The following ARHGAP17 variants were observed in gnomAD, a reference collection of about 807,000 sequenced individuals.
ARHGAP17 encodes the protein rho GTPase-activating protein 17.
ARHGAP17 carries 57 observed loss-of-function variants against 99.5 expected under a neutral mutation model. That is an observed-to-expected ratio of 0.57 (90% CI 0.46 to 0.71). The LOEUF (loss-of-function observed/expected upper bound fraction) is 0.71, where lower values mean the gene tolerates loss of function less well. ARHGAP17 is among the 30% of genes least tolerant of loss of function. ARHGAP17 has a pLI of 0.00. For missense variants in ARHGAP17, 1,000 were observed against 1,122.4 expected, an observed-to-expected ratio of 0.89 and a Z score of 1.56; for synonymous variants, 417 against 429.6, an observed-to-expected ratio of 0.97 and a Z score of 0.36.
intron 1 of ARHGAP17, among the ~76,000 whole-genome samples, chr16:24,994,536 G>T (rs2141445981): frequency 6.6e-6 from 1 of 152,302 alleles, no homozygotes; most frequent in Non-Finnish European, 1.5e-5. Context: ...ATACTCCAGT[G>T]CAAGGACGGT....
chr16:24,940,792 T>C (rs2051291694), intron 16 of ARHGAP17, among the ~76,000 whole-genome samples: 1 of 152,196 alleles, frequency 6.6e-6, no homozygotes, highest in African/African-American at 2.4e-5. Context: ...AGGCTGACTT[T>C]TCACTTAAGG....
intron 1 of ARHGAP17, among the ~76,000 whole-genome samples, chr16:24,979,988 T>A (rs1035905022): frequency 6.6e-6 from 1 of 152,148 alleles, no homozygotes; most frequent in African/African-American, 2.4e-5. Context: ...TGGGATTACA[T>A]GCGTGAGCCA....
chr16:24,938,483 G>A (rs371377628), intron 17 of ARHGAP17, among the ~76,000 whole-genome samples: 38 of 152,292 alleles, frequency 2.5e-4, no homozygotes, highest in African/African-American at 7.7e-4. Context: ...AAATCTACCA[G>A]CTAGGCATGG....
At chr16:25,007,566 A>G (rs2053540497) in intron 1 of ARHGAP17, among the ~76,000 whole-genome samples, 1 of 151,928 alleles carries the variant, frequency 6.6e-6, no homozygotes, top group Non-Finnish European at 1.5e-5. Flanking sequence ...GGATCTTGCT[A>G]TGTTGCTCAG....
intron 1 of ARHGAP17, among the ~76,000 whole-genome samples, chr16:24,987,574 G>C (rs1437350315): frequency 6.6e-6 from 1 of 151,990 alleles, no homozygotes; most frequent in Non-Finnish European, 1.5e-5. Flanking sequence ...CAGCCATTCT[G>C]GGGCCTTGAG....
intron 13 of ARHGAP17, 108 bp from the exon 14 acceptor site, chr16:24,947,703 G>A (rs944779455): frequency 1.2e-5 from 10 of 847,040 alleles, no homozygotes; most frequent in Non-Finnish European, 1.7e-5. Context: ...TAACTGCAGA[G>A]GGTTCCTAAA....
intron 18 of ARHGAP17, among the ~76,000 whole-genome samples, chr16:24,931,680 C>T (rs112085663): frequency 5.3e-4 from 80 of 152,228 alleles, no homozygotes; most frequent in African/African-American, 1.8e-3. Flanking sequence ...CACAGAAAGA[C>T]GGAGAACATG....
intron 17 of ARHGAP17, chr16:24,936,616 G>C (rs1431504374): frequency 1.3e-5 from 2 of 150,420 alleles, no homozygotes; most frequent in Non-Finnish European, 2.9e-5. Flanking sequence ...TGAGGTGGGA[G>C]AATCGCTTGA....
chr16:24,947,946 G>C (rs1004803549), intron 13 of ARHGAP17, among the ~76,000 whole-genome samples: 1 of 151,476 alleles, frequency 6.6e-6, no homozygotes, highest in African/African-American at 2.4e-5. Flanking sequence ...TACAAAAACA[G>C]ACACAGTTAT....
chr16:24,998,389 G>C (rs2053261687), intron 1 of ARHGAP17, among the ~76,000 whole-genome samples: 1 of 152,038 alleles, frequency 6.6e-6, no homozygotes, highest in South Asian at 2.1e-4. Flanking sequence ...CAGCGGCACA[G>C]GTGGCGGGGC....
chr16:24,987,633 G>A (rs2052913716), intron 1 of ARHGAP17, among the ~76,000 whole-genome samples: 2 of 152,012 alleles, frequency 1.3e-5, no homozygotes, highest in South Asian at 2.1e-4. Flanking sequence ...ACCCAAGGAT[G>A]GCAAATATGT....
In ARHGAP17 at chr16:24,934,963, G is replaced by T. The variant is rs1486907700; in HGVS notation, c.1894+507C>A. ...ACAGAGAACCCAGGGTGAGAAGTTC[G>T]CATGGAAGCCACTGAAGAGTTTAAC... On this transcript the variant is annotated intron_variant, in intron 18 of 19. Transcript: ENST00000289968. 4.6e-5 allele frequency among the ~76,000 whole-genome samples: 7 copies of T among 152,288 alleles called. No homozygotes were observed. In the East Asian group the frequency reaches 1.3e-3, roughly 29 times the overall value.
intron 12 of ARHGAP17, among the ~76,000 whole-genome samples, chr16:24,951,853 G>A (rs1467639121): frequency 6.6e-6 from 1 of 152,158 alleles, no homozygotes; most frequent in African/African-American, 2.4e-5. Context: ...ACTTGAATTT[G>A]CAATTATGTA....
At position 24,955,060 on chromosome 16, in the gene ARHGAP17, AG is replaced by A. The variant is rs1475085393; in HGVS notation, c.725-331del. The A allele has an allele frequency of 6.8e-5, 16 of 234,222 alleles. No individual in the cohort carries two copies. Among genetic ancestry groups the A allele is most frequent in the Non-Finnish European group, 1.6e-5 (2 of 122,006 alleles). The allele number at this position is 234,222 out of a possible 1,614,324, so 14.5% of individuals were successfully genotyped here. A position where few individuals can be genotyped will look rare whatever the true frequency, so the allele number is the denominator to read the frequency against. The stretch of plus-strand genomic sequence containing the variant: ...GTTTAGTGGGCTGCCTTGAACCAAA[AG>A]GAAGATTTGCCAGAGCATACCGTTT... On this transcript the variant is annotated intron_variant, in intron 9 of 19. Transcript: ENST00000289968. The surrounding 1 kb of genome is among the most constrained non-coding windows in gnomAD (Gnocchi z 4.0).
intron 1 of ARHGAP17, among the ~76,000 whole-genome samples, chr16:24,988,277 C>A (rs1037416350): frequency 6.6e-6 from 1 of 152,098 alleles, no homozygotes; most frequent in Non-Finnish European, 1.5e-5. Flanking sequence ...ATTTGTTATA[C>A]CTGCCACAAA....
chr16:24,958,053 G>T (rs1394677293), intron 9 of ARHGAP17, among the ~76,000 whole-genome samples: 3 of 152,176 alleles, frequency 2.0e-5, no homozygotes, highest in Admixed American at 6.5e-5. Context: ...TCGGTAAAGG[G>T]TGACCTCAGC....
At chr16:24,925,448 G>A (rs1243437077) in intron 19 of ARHGAP17, among the ~76,000 whole-genome samples, 1 of 152,194 alleles carries the variant, frequency 6.6e-6, no homozygotes, top group East Asian at 1.9e-4. Context: ...CTCTTTGGTT[G>A]AAGTAGAATT....
chr16:24,919,982 C>A lies in ARHGAP17; in HGVS notation c.*148G>T, dbSNP rs1187209033. 1.7e-6 allele frequency: 2 copies of A among 1,156,108 alleles called. No homozygotes were observed. The highest frequency in any genetic ancestry group is 2.4e-6 in the Non-Finnish European group (2 of 829,018). 71.6% of individuals were successfully genotyped at this position (1,156,108 alleles called of 1,614,324 possible). A position where few individuals can be genotyped will look rare whatever the true frequency, so the allele number is the denominator to read the frequency against. ...GGTGGCCTCCAGGTTCTCCTTGGGC[C>A]GTGCAGAAGGCCAGGTCCCGCACAG... On this transcript the variant is annotated 3_prime_UTR_variant, in exon 20 of 20. Transcript: ENST00000289968.
At chr16:24,993,549 A>G (rs1193321492) in intron 1 of ARHGAP17, among the ~76,000 whole-genome samples, 1 of 151,352 alleles carries the variant, frequency 6.6e-6, no homozygotes, top group Admixed American at 6.6e-5. Flanking sequence ...AGATTGCACC[A>G]CTGCACTCCA....
Sources: allele counts gnomAD v4.1 joint callset (sites outside exome capture counted in the v4.1 genomes callset), GRCh38; gene constraint gnomAD v4.1.1; non-coding constraint Gnocchi (gnomAD v3.1); transcripts MANE v1.5; gene names NCBI Gene and HGNC (gene_info 2026-07-23, HGNC 2026-07-21).